Variants in SLIT3 observed in about 807,000 individuals in gnomAD.
SLIT3 encodes the protein slit guidance ligand 3.
A neutral mutation model predicts 184.0 loss-of-function variants in SLIT3; 68 were observed. The ratio of observed to expected loss-of-function variants is 0.37; its 90% CI spans 0.30 to 0.45. The LOEUF (loss-of-function observed/expected upper bound fraction) is 0.45. SLIT3 is among the 20% of genes least tolerant of loss of function. The pLI is 1.00. For missense variants in SLIT3, 1,707 were observed against 2,026.0 expected (o/e 0.84, Z 3.02); for synonymous variants, 831 against 828.6 (o/e 1.00, Z -0.05).
chr5:169,033,897 C>T (rs1033154428), intron 4 of SLIT3, among the ~76,000 whole-genome samples: 1 of 150,736 alleles, frequency 6.6e-6, no homozygotes, highest in Non-Finnish European at 1.5e-5. Flanking sequence ...ACTGCAACCT[C>T]CACCTCCCGG....
intron 26 of SLIT3, chr5:168,706,824 A>G (rs4868489): frequency 0.43 from 65,960 of 151,992 alleles, 14,468 homozygotes; most frequent in East Asian, 0.59. Flanking sequence ...ATTCCCCAGA[A>G]TGAGGCTGCC....
chr5:168,669,850 G>A lies in SLIT3; in HGVS notation c.4269C>T (p.His1423=). The A allele has an allele frequency of 6.2e-7, 1 of 1,614,194 alleles. No individual in the cohort carries two copies. The highest frequency in any genetic ancestry group is 2.2e-5 in the East Asian group (1 of 44,882). ...AGTAGGGCTCCCCTTGGTCTGAGAT[G>A]TGGCACTGCCCATGGTGACACTTGA... ...SAFKCHHGQC[H]ISDQGEPYCL... The change falls in exon 35 of 36, where the codon CAC becomes CAT. Residue 1423 remains histidine, a synonymous_variant. Coordinates refer to ENST00000519560, the MANE Select transcript of SLIT3 (RefSeq NM_003062.4).
intron 4 of SLIT3, among the ~76,000 whole-genome samples, chr5:168,924,561 G>A (rs577906535): frequency 3.0e-4 from 45 of 152,194 alleles, no homozygotes; most frequent in Middle Eastern, 3.4e-3. Flanking sequence ...CCAGGCTGGA[G>A]TGCAGCAGCA....
At chr5:168,919,259 C>CAAAAA (rs372846427) in intron 4 of SLIT3, among the ~76,000 whole-genome samples, 1 of 87,778 alleles carries the variant, frequency 1.1e-5, no homozygotes, top group Admixed American at 1.3e-4. Context: ...GACTCCATCT[C>CAAAAA]AAAAAAAAAA....
At chr5:169,065,824 C>T (rs1393614856) in intron 4 of SLIT3, among the ~76,000 whole-genome samples, 3 of 152,162 alleles carry the variant, frequency 2.0e-5, no homozygotes, top group Non-Finnish European at 4.4e-5. Context: ...GTGAGGGAGA[C>T]CTTTATGATT....
chr5:168,884,642 C>G (rs970568431), intron 4 of SLIT3, among the ~76,000 whole-genome samples: 8 of 140,394 alleles, frequency 5.7e-5, no homozygotes, highest in Non-Finnish European at 1.1e-4. Flanking sequence ...TTTTTGCTTG[C>G]TATATTGAGA....
intron 10 of SLIT3, among the ~76,000 whole-genome samples, chr5:168,793,622 T>G (rs971554595): frequency 9.9e-5 from 15 of 152,152 alleles, no homozygotes; most frequent in Admixed American, 2.0e-4. Context: ...GCAAGTCCAA[T>G]AGGTTGGAGA....
intron 1 of SLIT3, among the ~76,000 whole-genome samples, chr5:169,275,001 C>A (rs991753691): frequency 6.6e-6 from 1 of 152,186 alleles, no homozygotes; most frequent in Non-Finnish European, 1.5e-5. Context: ...TAAACGTTAG[C>A]GCTTTGTACG....
At chr5:169,274,995 C>T (rs1427849352) in intron 1 of SLIT3, among the ~76,000 whole-genome samples, 1 of 152,160 alleles carries the variant, frequency 6.6e-6, no homozygotes, top group African/African-American at 2.4e-5. Flanking sequence ...GATCTATAAA[C>T]GTTAGCGCTT....
chr5:168,685,603 T>C, intron 31 of SLIT3, 84 bp downstream of exon 31: 1 of 1,469,804 alleles, frequency 6.8e-7, no homozygotes, highest in Non-Finnish European at 9.1e-7. Context: ...ACTGTTAAGA[T>C]GGGGCATTCC....
rs1287177680 is a variant in SLIT3, at chr5:168,813,569, T to C, written c.793+3731A>G. On this transcript the variant is annotated intron_variant, in intron 8 of 35. Coordinates refer to ENST00000519560, the MANE Select transcript of SLIT3 (RefSeq NM_003062.4). ...GTTAATAAAAAGATAAAGCTCTATT[T>C]CCCCACCCTTGTGAAAAATTCCCAA... 3.9e-5 allele frequency among the ~76,000 whole-genome samples: 6 copies of C among 152,294 alleles called. No homozygotes were observed. The East Asian group carries it at 7.7e-4, about 20-fold the overall frequency.
At chr5:169,166,558 TTAGG>T (rs36116552) in intron 4 of SLIT3, among the ~76,000 whole-genome samples, 10,336 of 152,032 alleles carry the variant, frequency 0.068, 1,242 homozygotes, top group African/African-American at 0.24. Flanking sequence ...CTGTTTGTGG[TTAGG>T]TAAATTCAGC....
chr5:168,805,760 C>A (rs1185502264), intron 9 of SLIT3, among the ~76,000 whole-genome samples: 1 of 152,144 alleles, frequency 6.6e-6, no homozygotes, highest in Non-Finnish European at 1.5e-5. Context: ...AGCTCAGTCC[C>A]CCTCTCAGAT....
intron 4 of SLIT3, among the ~76,000 whole-genome samples, chr5:168,890,619 C>A (rs1280842653): frequency 6.6e-6 from 1 of 152,018 alleles, no homozygotes; most frequent in Admixed American, 6.6e-5. Context: ...GAGATACATA[C>A]TGAAATAATT....
At chr5:169,241,786 TG>T (rs1348315528) in intron 3 of SLIT3, among the ~76,000 whole-genome samples, 28 of 152,130 alleles carry the variant, frequency 1.8e-4, no homozygotes, top group African/African-American at 6.8e-4. Context: ...AAGACACCTG[TG>T]TTATGAGAGT....
chr5:168,675,707 AAAC>A (rs759625038), intron 32 of SLIT3, among the ~76,000 whole-genome samples: 68 of 152,308 alleles, frequency 4.5e-4, no homozygotes, highest in Middle Eastern at 3.4e-3. Flanking sequence ...ATTTCTTAAA[AAAC>A]AACAACAACA....
At chr5:168,881,659 G>T (rs1229797848) in intron 5 of SLIT3, among the ~76,000 whole-genome samples, 2 of 152,192 alleles carry the variant, frequency 1.3e-5, no homozygotes, top group African/African-American at 2.4e-5. Flanking sequence ...CATGTGAACA[G>T]TCTTGAGTTC....
intron 15 of SLIT3, among the ~76,000 whole-genome samples, 153 bp from the exon 16 acceptor site, chr5:168,761,089 G>A (rs1755130363): frequency 3.3e-5 from 5 of 152,130 alleles, no homozygotes; most frequent in Admixed American, 3.3e-4. Flanking sequence ...TCAACAGAGG[G>A]GCCCAGCAGT....
chr5:168,694,169 G>A (rs938276441), intron 28 of SLIT3, among the ~76,000 whole-genome samples: 4 of 152,070 alleles, frequency 2.6e-5, no homozygotes, highest in African/African-American at 9.7e-5. Flanking sequence ...CCTCAACTGC[G>A]GCAGGAAACC....
Sources: gnomAD v4.1 joint callset for allele counts (sites outside exome capture counted in the v4.1 genomes callset) on GRCh38, gnomAD v4.1.1 for gene constraint, MANE v1.5 for transcripts, NCBI Gene and HGNC (gene_info 2026-07-23, HGNC 2026-07-21) for gene names.